Variants in CFAP61 observed in about 807,000 individuals in gnomAD.
CFAP61 encodes cilia- and flagella-associated protein 61.
Under a neutral mutation model 135.6 loss-of-function variants are expected in CFAP61, and 107 were observed. That is an observed-to-expected ratio of 0.79 (90% CI 0.67 to 0.93). The LOEUF (loss-of-function observed/expected upper bound fraction) is 0.93. Ranked by LOEUF, CFAP61 falls within the 40% of genes least tolerant of loss-of-function variation. The probability of loss-of-function intolerance (pLI) is 0.00; values close to 1 mark genes in which losing one functional copy is unlikely to be tolerated. For synonymous variants in CFAP61, 575 were observed against 578.5 expected (o/e 0.99, Z 0.09); for missense variants, 1,507 against 1,556.2 (o/e 0.97, Z 0.53).
intron 22 of CFAP61, among the ~76,000 whole-genome samples, chr20:20,285,038 CG>C (rs1466677685): frequency 1.3e-5 from 2 of 152,236 alleles, no homozygotes; most frequent in Non-Finnish European, 2.9e-5. Context: ...TCATTCTTAA[CG>C]CTTATTTTCA....
chr20:20,219,743 C>T (rs2048273438), intron 17 of CFAP61, among the ~76,000 whole-genome samples: 1 of 152,096 alleles, frequency 6.6e-6, no homozygotes, highest in Admixed American at 6.5e-5. Flanking sequence ...GATTTCTTAA[C>T]TCATTATTAA....
chr20:20,161,865 C>T (rs1454352882), intron 10 of CFAP61, among the ~76,000 whole-genome samples: 4 of 151,428 alleles, frequency 2.6e-5, no homozygotes, highest in African/African-American at 9.7e-5. Flanking sequence ...ACAGCCCCTC[C>T]TCCAGCCACG....
chr20:20,298,795 C>G (rs2055840128), intron 25 of CFAP61, among the ~76,000 whole-genome samples: 1 of 152,200 alleles, frequency 6.6e-6, no homozygotes, highest in East Asian at 1.9e-4. Context: ...GTTTGTGACC[C>G]CAGCCTTCCT....
At chr20:20,058,530 T>C (rs1323195430) in intron 2 of CFAP61, among the ~76,000 whole-genome samples, 1 of 152,222 alleles carries the variant, frequency 6.6e-6, no homozygotes, top group Non-Finnish European at 1.5e-5. Context: ...GAGGAAAGCA[T>C]GTGACCCCTT....
intron 19 of CFAP61, among the ~76,000 whole-genome samples, chr20:20,248,028 A>G (rs1448812992): frequency 6.6e-6 from 1 of 152,204 alleles, no homozygotes; most frequent in African/African-American, 2.4e-5. Context: ...TAATATAAAC[A>G]CCACAAGGGC....
At chr20:20,351,591 T>C (rs1165716113) in intron 26 of CFAP61, among the ~76,000 whole-genome samples, 1 of 151,720 alleles carries the variant, frequency 6.6e-6, no homozygotes, top group African/African-American at 2.4e-5. Flanking sequence ...AAAAAAATGT[T>C]TATATACACT....
At chr20:20,324,098 G>A (rs1335338793) in intron 25 of CFAP61, among the ~76,000 whole-genome samples, 1 of 151,990 alleles carries the variant, frequency 6.6e-6, no homozygotes, top group East Asian at 1.9e-4. Flanking sequence ...CATTAAAATT[G>A]TTTTAATATT....
chr20:20,277,561 G>C, intron 22 of CFAP61, 103 bp downstream of exon 22: 1 of 1,278,766 alleles, frequency 7.8e-7, no homozygotes, highest in Non-Finnish European at 1.1e-6. Flanking sequence ...TGTAGTACCA[G>C]ATGTTGGATT....
chr20:20,252,692 T>C (rs941619761), intron 20 of CFAP61, among the ~76,000 whole-genome samples: 1 of 152,196 alleles, frequency 6.6e-6, no homozygotes, highest in African/African-American at 2.4e-5. Flanking sequence ...TTGTGAATAG[T>C]TGTGGGATTC....
intron 26 of CFAP61, among the ~76,000 whole-genome samples, chr20:20,344,007 A>T (rs754069972): frequency 6.6e-6 from 1 of 152,236 alleles, no homozygotes; most frequent in African/African-American, 2.4e-5. Context: ...CCCTCCAGCC[A>T]TTCTTGTGGG....
chr20:20,323,380 T>A, intron 25 of CFAP61: 1 of 885,562 alleles, frequency 1.1e-6, no homozygotes, highest in Non-Finnish European at 1.4e-6. Flanking sequence ...AAGTATGGAA[T>A]TCAAATGCCC....
chr20:20,134,150 T>A (rs1391862284), intron 8 of CFAP61, among the ~76,000 whole-genome samples: 2 of 152,128 alleles, frequency 1.3e-5, no homozygotes, highest in African/African-American at 4.8e-5. Flanking sequence ...CAGAGCAGAA[T>A]TACACCTAAG....
At chr20:20,070,789 A>T in intron 2 of CFAP61, 65 bp from the exon 3 acceptor site, 1 of 1,492,746 alleles carries the variant, frequency 6.7e-7, no homozygotes, top group Non-Finnish European at 9.1e-7. Flanking sequence ...AGGGAAAAAA[A>T]TGGCATGTCC....
intron 20 of CFAP61, among the ~76,000 whole-genome samples, chr20:20,252,118 A>G (rs952726687): frequency 1.3e-5 from 2 of 152,244 alleles, no homozygotes; most frequent in Non-Finnish European, 2.9e-5. Context: ...TTTATGCCTC[A>G]AGAGGCTAAC....
chr20:20,059,295 A>ACTCC (rs1725645137), intron 2 of CFAP61, among the ~76,000 whole-genome samples: 1 of 117,802 alleles, frequency 8.5e-6, no homozygotes, highest in South Asian at 3.0e-4. Flanking sequence ...ACTACTGCAC[A>ACTCC]CTCCAGCCTG....
At chr20:20,320,289 T>C (rs1464840362) in intron 25 of CFAP61, among the ~76,000 whole-genome samples, 1 of 135,410 alleles carries the variant, frequency 7.4e-6, no homozygotes, top group African/African-American at 2.8e-5. Flanking sequence ...ATGATTAATT[T>C]TTTTAGCAGT....
In CFAP61 at chr20:20,072,159, G is replaced by A. The variant is rs372699469; in HGVS notation, c.294+1155G>A. Among the ~76,000 whole-genome samples, 7 of 121,632 alleles carry A rather than the reference G, an allele frequency of 5.8e-5. No homozygotes were observed. The South Asian group carries it at 1.9e-3, about 33-fold the overall frequency. 79.8% of individuals were successfully genotyped at this position (121,632 alleles called of 152,430 possible). ...AGATGGAGTCTCACTCTGTCGTCCA[G>A]GCTGGAGTACAGTGGCACGATCTCG... On this transcript the variant is annotated intron_variant, in intron 3 of 26. Coordinates refer to ENST00000245957, the MANE Select transcript of CFAP61 (RefSeq NM_015585.4).
At chr20:20,284,614 T>C (rs555722282) in intron 22 of CFAP61, among the ~76,000 whole-genome samples, 1 of 152,320 alleles carries the variant, frequency 6.6e-6, no homozygotes, top group South Asian at 2.1e-4. Flanking sequence ...ATATCTTATC[T>C]TTTAGTAATT....
intron 9 of CFAP61, 143 bp from the exon 10 acceptor site, chr20:20,159,227 T>G (rs1459201990): frequency 1.5e-6 from 1 of 664,130 alleles, no homozygotes; most frequent in Admixed American, 2.5e-5. Flanking sequence ...AGGAGGAAAC[T>G]GAGGTTACAT....
Sources: allele counts gnomAD v4.1 joint callset (sites outside exome capture counted in the v4.1 genomes callset), GRCh38; gene constraint gnomAD v4.1.1; transcripts MANE v1.5; gene names NCBI Gene and HGNC (gene_info 2026-07-23, HGNC 2026-07-21).